Variants in DHRS12 observed in about 807,000 individuals in gnomAD.
The protein encoded by DHRS12 is dehydrogenase/reductase 12, also known as dehydrogenase/reductase SDR family member 12.
A neutral mutation model predicts 32.1 loss-of-function variants in DHRS12; 29 were observed. The ratio of observed to expected loss-of-function variants is 0.90; its 90% confidence interval spans 0.67 to 1.23. The LOEUF (loss-of-function observed/expected upper bound fraction) is 1.23. Ranked by LOEUF, DHRS12 falls within the 50% of genes most tolerant of loss-of-function variation. The pLI is 0.00. For synonymous variants in DHRS12, 150 were observed against 135.9 expected (o/e 1.10, Z -0.72); for missense variants, 330 against 337.2 (o/e 0.98, Z 0.17).
the DHRS12 span, chr13:51,758,209 C>T: frequency 5.7e-6 from 9 of 1,580,284 alleles, no homozygotes; most frequent in Non-Finnish European, 7.8e-6. Context: ...CCCACAGCCA[C>T]CTTCCATGAC....
Position 51,771,870 on chromosome 13 carries a change from G to T in DHRS12, c.510C>A (p.His170Gln). Residue 170 changes from histidine (H) to glutamine (Q), a missense_variant, in exon 7 of 9, where the codon CAC becomes CAA. Transcript: ENST00000444610. ...VVLTERWAQG[H>Q]PAIHFSSMHP... is the part of the protein sequence containing the mutation. ...GCATGGAAGAAAAATGGATGGCCGG[G>T]TGCCCTTGGGCCCACCGCTCCGTCA... 1 of 1,614,094 alleles carries T rather than the reference G, an allele frequency of 6.2e-7. No homozygotes were observed. The highest frequency in any genetic ancestry group is 8.5e-7 in the Non-Finnish European group (1 of 1,180,010).
chr13:51,769,750 T>C (rs1440440040), intron 7 of DHRS12, among the ~76,000 whole-genome samples: 2 of 150,028 alleles, frequency 1.3e-5, no homozygotes, highest in Admixed American at 1.3e-4. Flanking sequence ...TGTTTTCCTC[T>C]TTTAGGGAGG....
At chr13:51,780,899 G>A (rs182628538) in intron 4 of DHRS12, among the ~76,000 whole-genome samples, 34 of 152,308 alleles carry the variant, frequency 2.2e-4, no homozygotes, top group Admixed American at 8.5e-4. Flanking sequence ...ATTTAGCATA[G>A]GAAAACTGAT....
intron 5 of DHRS12, 192 bp from the exon 6 acceptor site, chr13:51,774,226 CATGTA>C (rs1222640801): frequency 1.8e-6 from 1 of 559,948 alleles, no homozygotes; most frequent in Admixed American, 3.1e-5. Flanking sequence ...TCCTACAGTA[CATGTA>C]TTCTCCTACA....
intron 5 of DHRS12, chr13:51,774,328 C>A (rs1291711652): frequency 9.7e-6 from 1 of 103,428 alleles, no homozygotes; most frequent in Non-Finnish European, 1.8e-5. Flanking sequence ...TACATGTATT[C>A]TCCTACAGTA....
chr13:51,797,849 T>C (rs1593567900), intron 2 of DHRS12: 2 of 1,535,542 alleles, frequency 1.3e-6, no homozygotes, highest in East Asian at 4.9e-5. Context: ...TCCCGGATGA[T>C]CTCACCCCTG....
At chr13:51,784,421 G>A (rs1465957849) in intron 4 of DHRS12, among the ~76,000 whole-genome samples, 2 of 152,204 alleles carry the variant, frequency 1.3e-5, no homozygotes, top group African/African-American at 2.4e-5. Flanking sequence ...AGCACTGCCA[G>A]TGCCAAGTTC....
Position 51,789,527 on chromosome 13 carries a change from A to G in DHRS12, c.301+484T>C, listed in dbSNP as rs1293679476. On this transcript the variant is annotated intron_variant, in intron 4 of 8. Coordinates refer to ENST00000444610, the MANE Select transcript of DHRS12 (RefSeq NM_001377533.1). ...TGATGCTGAGGCTGCTGGTCTGGGA[A>G]CCCCACTTGGAGAGCCACTGGCCTG... 3 of 984,472 alleles carry G rather than the reference A, an allele frequency of 3.0e-6. No individual in the cohort carries two copies. In the African/African-American group the frequency reaches 5.3e-5, roughly 17 times the overall value. The allele number at this position is 984,472 out of a possible 1,614,324, so 61.0% of individuals were successfully genotyped here.
Position 51,791,567 on chromosome 13 carries a change from C to T in DHRS12, c.127-310G>A, listed in dbSNP as rs557909625. Among the ~76,000 whole-genome samples, 44 of 152,168 alleles carry T rather than the reference C, an allele frequency of 2.9e-4. No homozygotes were observed. In the South Asian group the frequency reaches 9.1e-3, roughly 32 times the overall value. ...CCGTGTTTTTCACTTAACAATATGT[C>T]TTTTAGTTTTTGGTGGTAAAAACAG... is the stretch of plus-strand genomic sequence containing the variant. On this transcript the variant is annotated intron_variant, in intron 2 of 8. Coordinates refer to ENST00000444610, the MANE Select transcript of DHRS12 (RefSeq NM_001377533.1).
chr13:51,804,159 G>A lies in DHRS12; in HGVS notation c.-114C>T. 7.0e-7 allele frequency: 1 copy of A among 1,421,538 alleles called. No homozygotes were observed. Among genetic ancestry groups the A allele is most frequent in the South Asian group, 1.4e-5 (1 of 71,812 alleles). The allele number at this position is 1,421,538 out of a possible 1,614,324, so 88.1% of individuals were successfully genotyped here. A position where few individuals can be genotyped will look rare whatever the true frequency, so the allele number is the denominator to read the frequency against. ...CCACCGCGCTCCCGGCGCGGCCTCC[G>A]CCCTGGTCCCGCCCCCCGGGAGTCG... is the stretch of plus-strand genomic sequence containing the variant. On this transcript the variant is annotated 5_prime_UTR_variant, in exon 1 of 9. Coordinates refer to ENST00000444610, the MANE Select transcript of DHRS12 (RefSeq NM_001377533.1).
rs540273115 is a variant in DHRS12, at chr13:51,800,572, G to C, written c.-8-905C>G. Among the ~76,000 whole-genome samples the C allele has an allele frequency of 2.4e-4, 36 of 152,338 alleles. No homozygotes were observed. The South Asian group carries it at 7.3e-3, about 31-fold the overall frequency. Reference sequence around the variant, plus strand: ...CGAGAGATTTCTCCTGGGCAATGCAGGATGGGACTCTGATCTCAAGGCTCC... The same window carrying C: ...CGAGAGATTTCTCCTGGGCAATGCACGATGGGACTCTGATCTCAAGGCTCC... On this transcript the variant is annotated intron_variant, in intron 1 of 8. Transcript: ENST00000444610.
chr13:51,791,271 CAAA>C lies in DHRS12; in HGVS notation c.127-17_127-15del, dbSNP rs11309708. 512 of 905,568 alleles carry C rather than the reference CAAA, an allele frequency of 5.7e-4. No homozygotes were observed. Among genetic ancestry groups the C allele is most frequent in the South Asian group, 1.6e-3 (65 of 41,702 alleles). 56.1% of individuals were successfully genotyped at this position (905,568 alleles called of 1,614,324 possible). ...CAGAAAAATGTTCTAAATTAGAAAGCAAAAAAAAAAAAAACCCTTTTTAAAAAG... is the reference window on the plus strand; with the variant it reads ...CAGAAAAATGTTCTAAATTAGAAAGCAAAAAAAAAAACCCTTTTTAAAAAG... On this transcript the variant is annotated splice_polypyrimidine_tract_variant and intron_variant, in intron 2 of 8. Coordinates refer to ENST00000444610, the MANE Select transcript of DHRS12 (RefSeq NM_001377533.1).
chr13:51,799,575 C>T lies in DHRS12; in HGVS notation c.85G>A (p.Ala29Thr). 1.2e-6 allele frequency: 2 copies of T among 1,614,136 alleles called. No homozygotes were observed. Among genetic ancestry groups the T allele is most frequent in the Non-Finnish European group, 1.7e-6 (2 of 1,180,018 alleles). The change falls in exon 2 of 9, where the codon GCG becomes ACG. Residue 29 changes from alanine to threonine, a missense_variant. Physicochemically the swap from Ala to Thr is moderately conservative, Grantham distance 58. Transcript: ENST00000444610. ...EESFWSLEETAALAKQLPLKS... is the reference protein window; with the variant it reads ...EESFWSLEETTALAKQLPLKS... ...AAGGGCAGTTGCTTTGCCAATGCCG[C>T]TGTTTCCTCCAGTGACCAAAAAGAC...
the DHRS12 span, chr13:51,755,564 A>ATAATTTACCCTC: frequency 1.8e-6 from 2 of 1,081,148 alleles, no homozygotes; most frequent in Non-Finnish European, 2.8e-6. Context: ...GGTGAGGGTA[A>ATAATTTACCCTC]ATTATTATCC....
intron 4 of DHRS12, among the ~76,000 whole-genome samples, chr13:51,778,856 T>A (rs1023985093): frequency 1.3e-5 from 2 of 152,036 alleles, no homozygotes; most frequent in East Asian, 3.9e-4. Context: ...AGAAACACAA[T>A]AATAATCTGC....
chr13:51,764,510 T>C (rs1008453505), downstream of DHRS12: 1 of 152,908 alleles, frequency 6.5e-6, no homozygotes, highest in African/African-American at 2.4e-5. Context: ...ACAAGTGGGC[T>C]GGAGCTGCCG....
At chr13:51,773,166 A>G in intron 6 of DHRS12, 1 of 762,016 alleles carries the variant, frequency 1.3e-6, no homozygotes, top group Non-Finnish European at 1.6e-6. Context: ...TGAGGCCCAG[A>G]AGTGTTTCAA....
intron 3 of DHRS12, 77 bp from the exon 4 acceptor site, chr13:51,790,169 AC>A: frequency 9.2e-7 from 1 of 1,091,444 alleles, no homozygotes; most frequent in Non-Finnish European, 1.3e-6. Context: ...CACCTCCACT[AC>A]CCCACCCCCA....
chr13:51,780,457 C>T (rs1292693576), intron 4 of DHRS12, among the ~76,000 whole-genome samples: 1 of 152,122 alleles, frequency 6.6e-6, no homozygotes, highest in African/African-American at 2.4e-5. Flanking sequence ...AAAAGTTGCC[C>T]AAGGTTAGTC....
Sources: gnomAD v4.1 joint callset for allele counts (sites outside exome capture counted in the v4.1 genomes callset) on GRCh38, gnomAD v4.1.1 for gene constraint, MANE v1.5 for transcripts, NCBI Gene and HGNC (gene_info 2026-07-23, HGNC 2026-07-21) for gene names.